The following MSRA variants were observed in gnomAD, a reference collection of about 807,000 sequenced individuals.
The protein encoded by MSRA is methionine sulfoxide reductase A.
A neutral mutation model predicts 31.3 loss-of-function variants in MSRA; 54 were observed. That is an observed-to-expected ratio of 1.73 (90% CI 1.39 to 2.17). The LOEUF is 2.17. Among genes scored for constraint, MSRA ranks in the 30% most tolerant of loss-of-function variants. The pLI is 0.00. For missense variants in MSRA, 507 were observed against 300.9 expected (o/e 1.69, Z -5.07); for synonymous variants, 169 against 116.5 (o/e 1.45, Z -2.90).
intron 1 of MSRA, among the ~76,000 whole-genome samples, chr8:10,192,757 G>C (rs917956196): frequency 1.3e-5 from 2 of 152,206 alleles, no homozygotes; most frequent in Non-Finnish European, 2.9e-5. Context: ...CACTGAAACA[G>C]TATTCTGTAA....
chr8:10,325,178 C>T (rs991345087), intron 5 of MSRA, among the ~76,000 whole-genome samples: 1 of 152,102 alleles, frequency 6.6e-6, no homozygotes, highest in Non-Finnish European at 1.5e-5. Context: ...TGCAATGGCT[C>T]AGGAATGATT....
chr8:10,283,232 A>G (rs1295844332), intron 3 of MSRA, among the ~76,000 whole-genome samples: 2 of 151,826 alleles, frequency 1.3e-5, no homozygotes, highest in Non-Finnish European at 2.9e-5. Flanking sequence ...TGCAAGATGC[A>G]TTCAGACGTT....
intron 3 of MSRA, among the ~76,000 whole-genome samples, chr8:10,261,389 T>TA (rs35866533): frequency 0.6 from 85,608 of 142,892 alleles, 26,664 homozygotes; most frequent in East Asian, 0.93. Flanking sequence ...ATCTGTTACT[T>TA]AAAAAAAAAA....
intron 1 of MSRA, among the ~76,000 whole-genome samples, chr8:10,142,680 T>C (rs1802815452): frequency 6.6e-6 from 1 of 152,216 alleles, no homozygotes; most frequent in African/African-American, 2.4e-5. Flanking sequence ...TAATGTCCTC[T>C]GCAATTGAAA....
At chr8:10,277,152 A>T (rs1799362323) in intron 3 of MSRA, among the ~76,000 whole-genome samples, 1 of 152,234 alleles carries the variant, frequency 6.6e-6, no homozygotes, top group South Asian at 2.1e-4. Flanking sequence ...AATAATTTTT[A>T]AGCTCAATGA....
At chr8:10,088,097 G>T (rs770295227) in intron 1 of MSRA, among the ~76,000 whole-genome samples, 18 of 152,248 alleles carry the variant, frequency 1.2e-4, no homozygotes, top group Admixed American at 7.2e-4. Flanking sequence ...AAAACCCCAG[G>T]TATAGAGGTA....
intron 5 of MSRA, among the ~76,000 whole-genome samples, chr8:10,408,249 A>C (rs1447088975): frequency 6.6e-6 from 1 of 152,196 alleles, no homozygotes; most frequent in Non-Finnish European, 1.5e-5. Flanking sequence ...TTTAAAGAGG[A>C]ACATGGGCTG....
chr8:10,270,361 C>G (rs1255632624), intron 3 of MSRA, among the ~76,000 whole-genome samples: 1 of 150,638 alleles, frequency 6.6e-6, no homozygotes, highest in South Asian at 2.1e-4. Context: ...CATTTCTATT[C>G]GTTTTCCATA....
At chr8:10,074,699 C>A (rs1797914156) in intron 1 of MSRA, among the ~76,000 whole-genome samples, 1 of 152,028 alleles carries the variant, frequency 6.6e-6, no homozygotes, top group African/African-American at 2.4e-5. Flanking sequence ...TGCTCTGTTG[C>A]TGAGGCTGGA....
intron 4 of MSRA, among the ~76,000 whole-genome samples, chr8:10,314,875 A>C (rs767565805): frequency 6.6e-6 from 1 of 152,254 alleles, no homozygotes; most frequent in African/African-American, 2.4e-5. Context: ...TTGCATTTAT[A>C]TTAATTTTAA....
chr8:10,055,264 C>G (rs2128909023), intron 1 of MSRA, among the ~76,000 whole-genome samples: 1 of 152,334 alleles, frequency 6.6e-6, no homozygotes, highest in East Asian at 1.9e-4. Flanking sequence ...AAGCGATGCT[C>G]CACAAACTTG....
chr8:10,207,491 A>G (rs1809099936), intron 1 of MSRA, among the ~76,000 whole-genome samples: 1 of 152,076 alleles, frequency 6.6e-6, no homozygotes, highest in Admixed American at 6.5e-5. Context: ...TGGAAGTTGG[A>G]GCTTTGCTTG....
chr8:10,085,995 G>A lies in MSRA; in HGVS notation c.142+31337G>A, dbSNP rs1307025959. On this transcript the variant is annotated intron_variant, in intron 1 of 5. Coordinates refer to ENST00000317173, the MANE Select transcript of MSRA (RefSeq NM_012331.5). Reference sequence around the variant, plus strand: ...GTGTTCAGATTGTTTCCAGTTTTGAGGTATTATGAATAATTCTTCCATGAA... The same window carrying A: ...GTGTTCAGATTGTTTCCAGTTTTGAAGTATTATGAATAATTCTTCCATGAA... Among the ~76,000 whole-genome samples the A allele has an allele frequency of 2.0e-5, 3 of 152,116 alleles. No individual in the cohort carries two copies. The East Asian group carries it at 5.8e-4, about 29-fold the overall frequency.
chr8:10,161,439 C>G (rs2129042207), intron 1 of MSRA, among the ~76,000 whole-genome samples: 2 of 152,286 alleles, frequency 1.3e-5, no homozygotes, highest in East Asian at 3.9e-4. Context: ...TGCAAAGGCC[C>G]AACCTTCCAT....
chr8:10,127,051 A>G (rs75617407), intron 1 of MSRA, among the ~76,000 whole-genome samples: 1,886 of 152,322 alleles, frequency 0.012, 40 homozygotes, highest in African/African-American at 0.044. Context: ...ACTACAGATG[A>G]CATTCTGGCG....
At chr8:10,198,513 G>C (rs1390429394) in intron 1 of MSRA, among the ~76,000 whole-genome samples, 1 of 152,286 alleles carries the variant, frequency 6.6e-6, no homozygotes, top group East Asian at 1.9e-4. Flanking sequence ...ATTTTAAACA[G>C]TTCTGTTGTA....
intron 1 of MSRA, among the ~76,000 whole-genome samples, chr8:10,083,713 C>A (rs1392595496): frequency 6.6e-6 from 1 of 151,826 alleles, no homozygotes; most frequent in Admixed American, 6.6e-5. Context: ...ACAGTTTTAT[C>A]TGCTATCCTG....
intron 2 of MSRA, among the ~76,000 whole-genome samples, chr8:10,231,349 T>A (rs1338681688): frequency 1.3e-5 from 2 of 152,220 alleles, no homozygotes; most frequent in African/African-American, 4.8e-5. Context: ...GACTCCCAGC[T>A]TTTCTGTGAA....
chr8:10,242,148 G>A (rs984847080), intron 2 of MSRA, among the ~76,000 whole-genome samples: 2 of 152,046 alleles, frequency 1.3e-5, no homozygotes, highest in Admixed American at 6.5e-5. Context: ...GTACGCGCTT[G>A]TAATCTCAGC....
Sources: allele counts gnomAD v4.1 joint callset (sites outside exome capture counted in the v4.1 genomes callset), GRCh38; gene constraint gnomAD v4.1.1; transcripts MANE v1.5; gene names NCBI Gene and HGNC (gene_info 2026-07-23, HGNC 2026-07-21).